The following CHID1 variants were observed in gnomAD, a reference collection of about 807,000 sequenced individuals.
CHID1 encodes the protein chitinase domain containing 1, also known as chitinase domain-containing protein 1.
In CHID1, 44 loss-of-function variants were observed where a neutral mutation model predicts 55.4. That is an observed-to-expected ratio of 0.79 (90% CI 0.62 to 1.02). The LOEUF (loss-of-function observed/expected upper bound fraction) is 1.02. Ranked by LOEUF, CHID1 falls within the 50% of genes least tolerant of loss-of-function variation. The pLI, the probability that CHID1 is intolerant of heterozygous loss-of-function variation, is 0.00. For synonymous variants in CHID1, 216 were observed against 212.9 expected, an observed-to-expected ratio of 1.01 and a Z score of -0.13; for missense variants, 491 against 515.3, an observed-to-expected ratio of 0.95 and a Z score of 0.46.
At chr11:900,386 G>A (rs1281624162) in intron 5 of CHID1, among the ~76,000 whole-genome samples, 1 of 152,168 alleles carries the variant, frequency 6.6e-6, no homozygotes, top group Non-Finnish European at 1.5e-5. Context: ...CATGGTTGTG[G>A]CCCCACCTTA....
intron 1 of CHID1, among the ~76,000 whole-genome samples, chr11:905,383 T>C (rs1589903546): frequency 6.6e-6 from 1 of 152,240 alleles, no homozygotes; most frequent in East Asian, 1.9e-4. Context: ...AATTAAATAT[T>C]TGGGCCGGGT....
At position 902,286 on chromosome 11, in the gene CHID1, C is replaced by G; in HGVS notation, c.306G>C (p.Lys102Asn). The G allele has an allele frequency of 1.2e-6, 2 of 1,613,974 alleles. No homozygotes were observed. Among genetic ancestry groups the G allele is most frequent in the Non-Finnish European group, 1.7e-6 (2 of 1,179,942 alleles). Residue 102 changes from lysine (K) to asparagine (N), a missense_variant, in exon 4 of 13, where the codon AAG becomes AAC. Coordinates refer to ENST00000323578, the MANE Select transcript of CHID1 (RefSeq NM_023947.4). ...GYDVTKVFGS[K>N]FTQISPVWLQ... ...GCCAGACGGGTGAGATCTGTGTGAA[C>G]TTGCTCCCAAAGACCTTGGTGACAT...
rs1852621542 is a variant in CHID1 at position 910,801 on chromosome 11, A to C, written c.-70T>G. 48 of 1,112,334 alleles carry C rather than the reference A, an allele frequency of 4.3e-5. No individual in the cohort carries two copies. The highest frequency in any genetic ancestry group is 5.1e-5 in the Non-Finnish European group (46 of 904,404). The allele number at this position is 1,112,334 out of a possible 1,614,324, so 68.9% of individuals were successfully genotyped here. On this transcript the variant is annotated 5_prime_UTR_variant, in exon 1 of 13. Coordinates refer to ENST00000323578, the MANE Select transcript of CHID1 (RefSeq NM_023947.4). Reference sequence around the variant, plus strand: ...TGCATGTCAGGGAGGCCGGACGGCCACAAACGCACGGCCGGAAAACGCTCC... The same window carrying C: ...TGCATGTCAGGGAGGCCGGACGGCCCCAAACGCACGGCCGGAAAACGCTCC...
At chr11:891,659 G>A (rs1447471763) in intron 8 of CHID1, among the ~76,000 whole-genome samples, 7 of 152,168 alleles carry the variant, frequency 4.6e-5, no homozygotes, top group African/African-American at 1.4e-4. Flanking sequence ...CCATGCCCAT[G>A]GCCTCTGGAC....
rs35216304 is a variant in CHID1 at position 886,150 on chromosome 11, C to CAAAAAA, written c.702-1987_702-1982dup. 4.0e-3 allele frequency among the ~76,000 whole-genome samples: 81 copies of CAAAAAA among 20,322 alleles called. 2 individuals are homozygous for CAAAAAA. Among genetic ancestry groups the CAAAAAA allele is most frequent in the African/African-American group, 0.012 (78 of 6,464 alleles). The allele number at this position is 20,322 out of a possible 152,430, so 13.3% of individuals were successfully genotyped here. A position where few individuals can be genotyped will look rare whatever the true frequency, so the allele number is the denominator to read the frequency against. ...TGGGCGACAAAGCAAGACTCCGTCT[C>CAAAAAA]AAAAAAAGAAAAAAAAAAAGGAAAA... On this transcript the variant is annotated intron_variant, in intron 8 of 12. Coordinates refer to ENST00000323578, the MANE Select transcript of CHID1 (RefSeq NM_023947.4).
intron 11 of CHID1, 104 bp downstream of exon 11, chr11:870,315 C>A: frequency 7.4e-7 from 1 of 1,347,500 alleles, no homozygotes; most frequent in Non-Finnish European, 1.0e-6. Context: ...CAAGTGAGCT[C>A]GTGACCCTGA....
At chr11:900,205 C>T in intron 5 of CHID1, 95 bp from the exon 6 acceptor site, 1 of 948,302 alleles carries the variant, frequency 1.1e-6, no homozygotes, top group Non-Finnish European at 1.6e-6. Flanking sequence ...CCTTGGCCTC[C>T]AGAGGGAAGT....
At chr11:900,208 AG>A (rs1565196625) in intron 5 of CHID1, 98 bp from the exon 6 acceptor site, 2 of 898,190 alleles carry the variant, frequency 2.2e-6, no homozygotes, top group Non-Finnish European at 3.5e-6. Context: ...TGGCCTCCAG[AG>A]GGAAGTGAGA....
intron 10 of CHID1, among the ~76,000 whole-genome samples, chr11:870,930 G>T (rs188493397): frequency 1.1e-4 from 17 of 151,928 alleles, no homozygotes; most frequent in African/African-American, 3.9e-4. Context: ...GCAGTGCCTC[G>T]TACTGGGTGG....
chr11:883,449 G>A, intron 9 of CHID1, 146 bp from the exon 10 acceptor site: 1 of 860,738 alleles, frequency 1.2e-6, no homozygotes. Context: ...TCACCCATCA[G>A]AAAGGGCTGT....
At chr11:903,175 C>T (rs1199235215) in intron 2 of CHID1, 64 bp from the exon 3 acceptor site, 2 of 1,534,720 alleles carry the variant, frequency 1.3e-6, no homozygotes, top group Non-Finnish European at 1.8e-6. Flanking sequence ...CACAGAGCCC[C>T]ACCCAGCAAG....
At chr11:892,775 C>T (rs1341497074) in intron 8 of CHID1, among the ~76,000 whole-genome samples, 2 of 152,244 alleles carry the variant, frequency 1.3e-5, no homozygotes, top group East Asian at 1.9e-4. Context: ...AGTCGGTTGA[C>T]TGTGCAAAGG....
Position 869,625 on chromosome 11 carries a change from G to A in CHID1, c.*233C>T. On this transcript the variant is annotated 3_prime_UTR_variant, in exon 13 of 13. Coordinates refer to ENST00000323578, the MANE Select transcript of CHID1 (RefSeq NM_023947.4). ...CTGCCCAGCTGACAGGAGGCAGCCAGCGGATGCCCGGGTGGGAGGGGCTCG... is the reference window on the plus strand; with the variant it reads ...CTGCCCAGCTGACAGGAGGCAGCCAACGGATGCCCGGGTGGGAGGGGCTCG... 1.7e-6 allele frequency: 1 copy of A among 584,720 alleles called. No individual in the cohort carries two copies. The highest frequency in any genetic ancestry group is 2.1e-5 in the South Asian group (1 of 48,624). The allele number at this position is 584,720 out of a possible 1,614,324, so 36.2% of individuals were successfully genotyped here.
At chr11:886,350 T>C (rs985997403) in intron 8 of CHID1, among the ~76,000 whole-genome samples, 1 of 150,990 alleles carries the variant, frequency 6.6e-6, no homozygotes, top group South Asian at 2.1e-4. Flanking sequence ...TCCCAGCTAC[T>C]TGGGGGGCTG....
Position 868,483 on chromosome 11 carries a change from G to C in CHID1, c.*1375C>G, listed in dbSNP as rs1848985034. 2 of 151,994 alleles carry C rather than the reference G, an allele frequency of 1.3e-5. No individual in the cohort carries two copies. Among genetic ancestry groups the C allele is most frequent in the Admixed American group, 1.3e-4 (2 of 15,228 alleles). The allele number at this position is 151,994 out of a possible 1,614,324, so 9.4% of individuals were successfully genotyped here. ...TCCCGCCACGGCTTTCCAAAGTACT[G>C]GGATTACAGGCATGAACCGCCGCAC... On this transcript the variant is annotated 3_prime_UTR_variant, in exon 13 of 13. Transcript: ENST00000323578.
At chr11:893,325 C>T in intron 8 of CHID1, 102 bp downstream of exon 8, 1 of 899,304 alleles carries the variant, frequency 1.1e-6, no homozygotes, top group Non-Finnish European at 1.7e-6. Flanking sequence ...GGTTTGGGTG[C>T]TGAGCAGGAG....
At chr11:872,964 C>T (rs1849271772) in intron 10 of CHID1, among the ~76,000 whole-genome samples, 1 of 152,192 alleles carries the variant, frequency 6.6e-6, no homozygotes, top group Admixed American at 6.5e-5. Context: ...TCAGGAGCCC[C>T]AGCCTGGTGG....
chr11:869,644 G>A lies in CHID1; in HGVS notation c.*214C>T. The A allele has an allele frequency of 1.7e-6, 1 of 589,934 alleles. No homozygotes were observed. Among genetic ancestry groups the A allele is most frequent in the Non-Finnish European group, 3.0e-6 (1 of 331,776 alleles). The allele number at this position is 589,934 out of a possible 1,614,324, so 36.5% of individuals were successfully genotyped here. A position where few individuals can be genotyped will look rare whatever the true frequency, so the allele number is the denominator to read the frequency against. ...CAGCCAGCGGATGCCCGGGTGGGAG[G>A]GGCTCGAGCTCTCAGGGTGTCCCCC... On this transcript the variant is annotated 3_prime_UTR_variant, in exon 13 of 13. Coordinates refer to ENST00000323578, the MANE Select transcript of CHID1 (RefSeq NM_023947.4).
At chr11:910,913 G>C, upstream of CHID1, 1 of 900,316 alleles carries the variant, frequency 1.1e-6, no homozygotes, top group Non-Finnish European at 1.4e-6. Flanking sequence ...CCAGGACAGG[G>C]GACTGGGCAG....
Sources: gnomAD v4.1 joint callset for allele counts (sites outside exome capture counted in the v4.1 genomes callset) on GRCh38, gnomAD v4.1.1 for gene constraint, MANE v1.5 for transcripts, NCBI Gene and HGNC (gene_info 2026-07-23, HGNC 2026-07-21) for gene names.